The following USP48 variants were observed in gnomAD, a reference collection of about 807,000 sequenced individuals.
USP48 encodes ubiquitin carboxyl-terminal hydrolase 48.
A neutral mutation model predicts 150.7 loss-of-function variants in USP48; 43 were observed. That is an observed-to-expected ratio of 0.29 (90% CI 0.22 to 0.37). USP48 has a LOEUF of 0.37. Among genes scored for constraint, USP48 ranks in the 10% least tolerant of loss-of-function variants. The pLI, the probability that USP48 is intolerant of heterozygous loss-of-function variation, is 1.00. For synonymous variants in USP48, 396 were observed against 425.9 expected, an observed-to-expected ratio of 0.93 and a Z score of 0.86; for missense variants, 813 against 1,249.6, an observed-to-expected ratio of 0.65 and a Z score of 5.27.
chr1:21,680,794 C>T lies in USP48; in HGVS notation c.3085+14G>A. On this transcript the variant is annotated intron_variant, in intron 26 of 26. Coordinates refer to ENST00000308271, the MANE Select transcript of USP48 (RefSeq NM_032236.8). ...TCTGACATTCATGAACAAAACATGA[C>T]AAATGTAACTTACCTTTAAACCCTT... The T allele has an allele frequency of 1.9e-6, 3 of 1,585,252 alleles. No homozygotes were observed. Among genetic ancestry groups the T allele is most frequent in the Non-Finnish European group, 2.6e-6 (3 of 1,171,100 alleles).
chr1:21,759,584 G>T (rs1295442105), intron 1 of USP48, among the ~76,000 whole-genome samples: 3 of 152,160 alleles, frequency 2.0e-5, no homozygotes, highest in East Asian at 3.8e-4. Flanking sequence ...GCCCTAAAAT[G>T]ATGTACTGAA....
At chr1:21,757,467 G>A (rs773089578) in intron 2 of USP48, 196 bp downstream of exon 2, 7 of 440,416 alleles carry the variant, frequency 1.6e-5, no homozygotes, top group South Asian at 6.6e-5. Context: ...ACTGAATTAC[G>A]CAGCTGCCTG....
chr1:21,736,439 G>C lies in USP48; in HGVS notation c.1171+7C>G. The C allele has an allele frequency of 6.3e-7, 1 of 1,597,810 alleles. No homozygotes were observed. Among genetic ancestry groups the C allele is most frequent in the South Asian group, 1.1e-5 (1 of 87,866 alleles). The stretch of plus-strand genomic sequence containing the variant: ...TTAAAAGGGCACTCACAACTTAAAG[G>C]TTTTACCTAGATCTTCCTCAATCCC... On this transcript the variant is annotated splice_region_variant and intron_variant, in intron 9 of 26. Coordinates refer to ENST00000308271, the MANE Select transcript of USP48 (RefSeq NM_032236.8).
chr1:21,761,513 T>C (rs1209390363), intron 1 of USP48, among the ~76,000 whole-genome samples: 1 of 152,226 alleles, frequency 6.6e-6, no homozygotes, highest in Non-Finnish European at 1.5e-5. Flanking sequence ...CCTTTCAGAC[T>C]TTGAACAATA....
chr1:21,776,951 GA>G (rs113465243), intron 1 of USP48, among the ~76,000 whole-genome samples: 11,550 of 130,286 alleles, frequency 0.089, 496 homozygotes, highest in Middle Eastern at 0.14. Context: ...CTGTCTCAAA[GA>G]AAAAAAAAAA....
chr1:21,751,023 C>A (rs2152576639), intron 6 of USP48, among the ~76,000 whole-genome samples: 1 of 152,290 alleles, frequency 6.6e-6, no homozygotes, highest in East Asian at 1.9e-4. Flanking sequence ...GTCTATTACA[C>A]TATGTATACA....
intron 11 of USP48, chr1:21,724,331 A>G: frequency 1.7e-6 from 1 of 599,840 alleles, no homozygotes; most frequent in Non-Finnish European, 3.0e-6. Context: ...GCCCTATGAG[A>G]TCGGCTGGTA....
At chr1:21,692,030 A>G (rs2097603089) in intron 23 of USP48, among the ~76,000 whole-genome samples, 2 of 152,190 alleles carry the variant, frequency 1.3e-5, no homozygotes, top group Admixed American at 1.3e-4. Context: ...AACAGGGCCC[A>G]AGAGCTTGAC....
At chr1:21,680,077 C>T (rs2097561668) in intron 26 of USP48, among the ~76,000 whole-genome samples, 1 of 152,226 alleles carries the variant, frequency 6.6e-6, no homozygotes, top group African/African-American at 2.4e-5. Flanking sequence ...GCAGACAACA[C>T]AGCTGCAGCA....
chr1:21,768,840 C>A (rs964775746), intron 1 of USP48, among the ~76,000 whole-genome samples: 1 of 152,014 alleles, frequency 6.6e-6, no homozygotes, highest in Non-Finnish European at 1.5e-5. Context: ...TGTTCTGTTG[C>A]CCAGGCTGTG....
intron 3 of USP48, 72 bp downstream of exon 3, chr1:21,756,474 C>CAAA (rs35545280): frequency 6.3e-4 from 739 of 1,174,918 alleles, no homozygotes; most frequent in East Asian, 1.4e-3. Context: ...GAGGAAGACT[C>CAAA]AAAAAAAAAA....
intron 9 of USP48, among the ~76,000 whole-genome samples, chr1:21,731,815 G>C (rs1292433811): frequency 2.0e-5 from 3 of 152,066 alleles, no homozygotes; most frequent in Non-Finnish European, 4.4e-5. Context: ...GTTGCAGTGA[G>C]CCAAGATCAC....
At chr1:21,694,608 C>CAAAAAAAAAAACAAAAAAA (rs1491189889) in intron 23 of USP48, among the ~76,000 whole-genome samples, 1 of 28,982 alleles carries the variant, frequency 3.5e-5, no homozygotes, top group African/African-American at 1.1e-4. Flanking sequence ...AAAAAAAAAA[C>CAAAAAAAAAAACAAAAAAA]CCCCTCTATC....
At chr1:21,743,614 A>C (rs1329348103) in intron 8 of USP48, among the ~76,000 whole-genome samples, 2 of 152,170 alleles carry the variant, frequency 1.3e-5, no homozygotes, top group African/African-American at 4.8e-5. Context: ...AAGAAGAAAA[A>C]AAATAAAAGA....
At position 21,721,024 on chromosome 1, in the gene USP48, T is replaced by A; in HGVS notation, c.1894+12A>T. 6.2e-7 allele frequency: 1 copy of A among 1,614,054 alleles called. No individual in the cohort carries two copies. Among genetic ancestry groups the A allele is most frequent in the Non-Finnish European group, 8.5e-7 (1 of 1,179,914 alleles). ...GTTTCACAATGATCTACACATAGGT[T>A]TAAAGTGTTACCTTTATTTAAGGTG... On this transcript the variant is annotated intron_variant, in intron 14 of 26. Coordinates refer to ENST00000308271, the MANE Select transcript of USP48 (RefSeq NM_032236.8).
chr1:21,699,814 CCACA>C (rs10660046), intron 22 of USP48, among the ~76,000 whole-genome samples: 2 of 149,162 alleles, frequency 1.3e-5, no homozygotes, highest in East Asian at 2.0e-4. Flanking sequence ...CTGCGCCTGG[CCACA>C]CACACACACA....
intron 1 of USP48, among the ~76,000 whole-genome samples, chr1:21,761,767 T>C (rs570020012): frequency 6.6e-6 from 1 of 151,990 alleles, no homozygotes. Context: ...CCTGTCTCTA[T>C]TTTAAAACTT....
chr1:21,747,817 C>T (rs1178379403), intron 7 of USP48, among the ~76,000 whole-genome samples: 1 of 152,228 alleles, frequency 6.6e-6, no homozygotes, highest in Non-Finnish European at 1.5e-5. Context: ...AGGTGATCCA[C>T]CTGCCTCAGC....
At chr1:21,709,196 A>G (rs1478479158) in intron 15 of USP48, among the ~76,000 whole-genome samples, 1 of 152,168 alleles carries the variant, frequency 6.6e-6, no homozygotes, top group Non-Finnish European at 1.5e-5. Flanking sequence ...CCTATAATTT[A>G]TAATACCTCA....
Sources: gnomAD v4.1 joint callset for allele counts (sites outside exome capture counted in the v4.1 genomes callset) on GRCh38, gnomAD v4.1.1 for gene constraint, MANE v1.5 for transcripts, NCBI Gene and HGNC (gene_info 2026-07-23, HGNC 2026-07-21) for gene names.